Variants in SDK1 observed in about 807,000 individuals in gnomAD.
SDK1 encodes protein sidekick-1.
SDK1 carries 157 observed loss-of-function variants against 245.5 expected under a neutral mutation model. That is an observed-to-expected ratio of 0.64 (90% CI 0.56 to 0.73). The LOEUF (loss-of-function observed/expected upper bound fraction) is 0.73. Among genes scored for constraint, SDK1 ranks in the 30% least tolerant of loss-of-function variants. The pLI, the probability that SDK1 is intolerant of heterozygous loss-of-function variation, is 0.00. For missense variants in SDK1, 3,583 were observed against 3,002.3 expected, an observed-to-expected ratio of 1.19 and a Z score of -4.52; for synonymous variants, 1,647 against 1,278.5, an observed-to-expected ratio of 1.29 and a Z score of -6.15.
chr7:3,437,014 C>A (rs1207489957), intron 1 of SDK1, among the ~76,000 whole-genome samples: 1 of 152,154 alleles, frequency 6.6e-6, no homozygotes, highest in East Asian at 1.9e-4. Context: ...ATGTAAGGGG[C>A]AGCGGCTGCT....
At chr7:4,143,966 C>G (rs977907490) in intron 28 of SDK1, among the ~76,000 whole-genome samples, 1 of 152,168 alleles carries the variant, frequency 6.6e-6, no homozygotes, top group Non-Finnish European at 1.5e-5. Context: ...CTCTCCTCAC[C>G]GTCAGAGTGC....
chr7:3,975,764 C>T (rs1203376883), intron 13 of SDK1, among the ~76,000 whole-genome samples: 1 of 152,244 alleles, frequency 6.6e-6, no homozygotes, highest in African/African-American at 2.4e-5. Flanking sequence ...GTTCTGTCTC[C>T]TTCCAGGATG....
intron 4 of SDK1, among the ~76,000 whole-genome samples, chr7:3,765,151 C>A (rs550179980): frequency 5.9e-4 from 89 of 151,908 alleles, no homozygotes; most frequent in Non-Finnish European, 1.1e-3. Context: ...TGTACTAGAA[C>A]AATATAAGTG....
chr7:3,625,942 C>CTTTTTT (rs3086084), intron 2 of SDK1, among the ~76,000 whole-genome samples: 8 of 129,798 alleles, frequency 6.2e-5, no homozygotes, highest in African/African-American at 1.7e-4. Flanking sequence ...TCTTTTCTTT[C>CTTTTTT]TTTTTTTTTT....
intron 5 of SDK1, among the ~76,000 whole-genome samples, chr7:3,870,406 T>C (rs1186988993): frequency 6.6e-6 from 1 of 152,134 alleles, no homozygotes; most frequent in Non-Finnish European, 1.5e-5. Flanking sequence ...AGGATGTAGG[T>C]GTTATACTGA....
Position 4,266,744 on chromosome 7 carries a change from C to T in SDK1, c.*1360C>T, listed in dbSNP as rs913703042. On this transcript the variant is annotated 3_prime_UTR_variant, in exon 45 of 45. Transcript: ENST00000404826. Reference sequence around the variant, plus strand: ...CATGGTCCACCCCTCAGCCCGGGTCCCGGGTCTGGATGGAACGGGAGCACT... The same window carrying T: ...CATGGTCCACCCCTCAGCCCGGGTCTCGGGTCTGGATGGAACGGGAGCACT... The T allele has an allele frequency of 2.0e-6, 2 of 985,468 alleles. No individual in the cohort carries two copies. Among genetic ancestry groups the T allele is most frequent in the Non-Finnish European group, 2.4e-6 (2 of 829,956 alleles). The allele number at this position is 985,468 out of a possible 1,614,324, so 61.0% of individuals were successfully genotyped here. A position where few individuals can be genotyped will look rare whatever the true frequency, so the allele number is the denominator to read the frequency against.
At chr7:3,365,706 G>C (rs2128561800) in intron 1 of SDK1, among the ~76,000 whole-genome samples, 1 of 152,232 alleles carries the variant, frequency 6.6e-6, no homozygotes, top group South Asian at 2.1e-4. Context: ...TGAGGATGTA[G>C]AGACAGAACA....
At chr7:3,801,052 C>T (rs10951315) in intron 4 of SDK1, among the ~76,000 whole-genome samples, 44,273 of 152,100 alleles carry the variant, frequency 0.29, 8,513 homozygotes, top group African/African-American at 0.55. Flanking sequence ...AAATTCCTTT[C>T]ATTTTCCTAG....
chr7:4,114,275 G>T lies in SDK1; in HGVS notation c.3823+1G>T, dbSNP rs1178173746. The T allele has an allele frequency of 1.3e-5, 21 of 1,593,634 alleles. No homozygotes were observed. Among genetic ancestry groups the T allele is most frequent in the Non-Finnish European group, 1.8e-5 (21 of 1,171,228 alleles). On this transcript the variant is annotated splice_donor_variant, in intron 25 of 44. Transcript: ENST00000404826. LOFTEE classifies it high-confidence loss of function. Reference sequence around the variant, plus strand: ...GTGCGGGGCCGGACGCGGGAGTCAGGTGAGGGGAAGGCGATTCCCATCCTG... The same window carrying T: ...GTGCGGGGCCGGACGCGGGAGTCAGTTGAGGGGAAGGCGATTCCCATCCTG...
At chr7:4,141,906 G>T (rs1175421101) in intron 28 of SDK1, among the ~76,000 whole-genome samples, 1 of 152,138 alleles carries the variant, frequency 6.6e-6, no homozygotes, top group Non-Finnish European at 1.5e-5. Flanking sequence ...ACAGGCACCT[G>T]CCACCATGCC....
At chr7:3,645,804 A>G (rs1209231545) in intron 4 of SDK1, among the ~76,000 whole-genome samples, 1 of 151,932 alleles carries the variant, frequency 6.6e-6, no homozygotes, top group Non-Finnish European at 1.5e-5. Context: ...AGAGCATTTG[A>G]CTCAAGGTGC....
chr7:4,220,026 C>G, intron 38 of SDK1, 83 bp from the exon 39 acceptor site: 3 of 1,497,078 alleles, frequency 2.0e-6, no homozygotes, highest in Non-Finnish European at 2.7e-6. Flanking sequence ...GACCACTTTC[C>G]TTGTTATCGC....
intron 28 of SDK1, among the ~76,000 whole-genome samples, chr7:4,139,585 G>GTGTGTGTGTA (rs1779379842): frequency 2.1e-5 from 1 of 48,336 alleles, no homozygotes; most frequent in Non-Finnish European, 4.7e-5. Context: ...GTGTGTGTAT[G>GTGTGTGTGTA]TGTGTGTATA....
chr7:3,985,019 A>G (rs1456088365), intron 13 of SDK1, among the ~76,000 whole-genome samples: 1 of 152,158 alleles, frequency 6.6e-6, no homozygotes, highest in Non-Finnish European at 1.5e-5. Context: ...GGTTGAACCT[A>G]GTCCCCAGCC....
At chr7:3,662,102 A>T (rs1291000157) in intron 4 of SDK1, among the ~76,000 whole-genome samples, 2 of 140,814 alleles carry the variant, frequency 1.4e-5, no homozygotes, top group African/African-American at 5.4e-5. Context: ...AGAAAATTGC[A>T]TTCTGTATAT....
intron 1 of SDK1, among the ~76,000 whole-genome samples, chr7:3,320,706 G>A (rs1032333740): frequency 7.2e-5 from 11 of 151,894 alleles, no homozygotes; most frequent in African/African-American, 2.4e-4. Context: ...CTTGACACAG[G>A]GCATTTGTTC....
chr7:3,627,267 T>A (rs1177631319), intron 2 of SDK1, among the ~76,000 whole-genome samples: 1 of 152,132 alleles, frequency 6.6e-6, no homozygotes, highest in East Asian at 1.9e-4. Context: ...ATTATCCTAT[T>A]AGTGTGGCTA....
chr7:3,919,291 G>T (rs1250474605), intron 5 of SDK1, among the ~76,000 whole-genome samples: 1 of 152,196 alleles, frequency 6.6e-6, no homozygotes, highest in African/African-American at 2.4e-5. Context: ...GCAAGATCTG[G>T]GGTGCATGGC....
At chr7:4,206,365 G>A (rs528164023) in intron 36 of SDK1, among the ~76,000 whole-genome samples, 2 of 152,288 alleles carry the variant, frequency 1.3e-5, no homozygotes, top group South Asian at 4.1e-4. Flanking sequence ...AAGAACATGG[G>A]GCGCCTGGAA....
Sources: allele counts gnomAD v4.1 joint callset (sites outside exome capture counted in the v4.1 genomes callset), GRCh38; gene constraint gnomAD v4.1.1; transcripts MANE v1.5; gene names NCBI Gene and HGNC (gene_info 2026-07-23, HGNC 2026-07-21).